Variants in DGKB observed in about 807,000 individuals in gnomAD.
DGKB encodes 90 kDa diacylglycerol kinase.
In DGKB, 67 loss-of-function variants were observed where a neutral mutation model predicts 114.3. The ratio of observed to expected loss-of-function variants is 0.59; its 90% confidence interval spans 0.48 to 0.72. The LOEUF (loss-of-function observed/expected upper bound fraction) is 0.72, where lower values mean the gene tolerates loss of function less well. DGKB is among the 30% of genes least tolerant of loss of function. DGKB has a pLI of 0.00. For synonymous variants in DGKB, 398 were observed against 323.1 expected (o/e 1.23, Z -2.49); for missense variants, 907 against 975.2 (o/e 0.93, Z 0.93).
intron 2 of DGKB, 94 bp downstream of exon 2, chr7:14,841,100 G>A: frequency 8.8e-7 from 1 of 1,135,620 alleles, no homozygotes; most frequent in Middle Eastern, 2.3e-4. Flanking sequence ...CTATCCCCAT[G>A]AAGAACAGGA....
At chr7:14,337,954 C>A (rs551790819) in intron 23 of DGKB, among the ~76,000 whole-genome samples, 1 of 151,980 alleles carries the variant, frequency 6.6e-6, no homozygotes, top group African/African-American at 2.4e-5. Flanking sequence ...TTTTTTAGGT[C>A]TTTGCTTTCT....
chr7:14,940,532 A>T (rs972575257), intron 1 of DGKB, among the ~76,000 whole-genome samples: 1 of 152,082 alleles, frequency 6.6e-6, no homozygotes, highest in Non-Finnish European at 1.5e-5. Context: ...ATTTTCCTTT[A>T]ATAACCATAT....
At chr7:14,824,285 A>C (rs1207284723) in intron 2 of DGKB, among the ~76,000 whole-genome samples, 1 of 152,112 alleles carries the variant, frequency 6.6e-6, no homozygotes, top group Non-Finnish European at 1.5e-5. Flanking sequence ...TTTTCTCTCT[A>C]AACAGTAATT....
intron 13 of DGKB, among the ~76,000 whole-genome samples, chr7:14,645,493 G>A (rs188882896): frequency 7.9e-5 from 12 of 152,080 alleles, no homozygotes; most frequent in Middle Eastern, 6.8e-3. Flanking sequence ...GCCACTGGGT[G>A]CCCTTTCTCT....
At chr7:14,248,833 T>C (rs1157429863) in intron 23 of DGKB, among the ~76,000 whole-genome samples, 1 of 152,146 alleles carries the variant, frequency 6.6e-6, no homozygotes, top group African/African-American at 2.4e-5. Flanking sequence ...ACTTTTATTT[T>C]GTTCTTAGCT....
chr7:14,622,771 C>T (rs960757532), intron 14 of DGKB, among the ~76,000 whole-genome samples: 1 of 152,074 alleles, frequency 6.6e-6, no homozygotes, highest in Non-Finnish European at 1.5e-5. Context: ...TTACCCTACT[C>T]CAGCTGCACT....
rs147208447 is a variant in DGKB at position 14,312,191 on chromosome 7, C to T, written c.2122+26324G>A. 4.6e-5 allele frequency among the ~76,000 whole-genome samples: 7 copies of T among 152,258 alleles called. No homozygotes were observed. In the East Asian group the frequency reaches 1.4e-3, roughly 29 times the overall value. ...CTTGAGTTCTGTTAACTCTCTTGACCCCTATTATAATGCAGTATAGAGACC... is the reference window on the plus strand; with the variant it reads ...CTTGAGTTCTGTTAACTCTCTTGACTCCTATTATAATGCAGTATAGAGACC... On this transcript the variant is annotated intron_variant, in intron 23 of 25. Transcript: ENST00000402815.
chr7:14,613,689 G>A lies in DGKB; in HGVS notation c.1285-276C>T, dbSNP rs1806006956. On this transcript the variant is annotated intron_variant, in intron 15 of 25. Transcript: ENST00000402815. ...CAGTCAGGAAGAGGGAATAACATTT[G>A]TAATTCCTGTAAGATAAAAAAAAAA... Among the ~76,000 whole-genome samples the A allele has an allele frequency of 2.6e-5, 4 of 151,372 alleles. No homozygotes were observed. In the South Asian group the frequency reaches 8.3e-4, roughly 31 times the overall value.
chr7:14,919,089 C>CACAA (rs1554345173), intron 1 of DGKB, among the ~76,000 whole-genome samples: 268 of 124,318 alleles, frequency 2.2e-3, no homozygotes, highest in African/African-American at 7.4e-3. Context: ...CACACACACA[C>CACAA]ACACAAACAC....
chr7:14,536,599 T>G (rs1792536784), intron 20 of DGKB, among the ~76,000 whole-genome samples: 1 of 152,156 alleles, frequency 6.6e-6, no homozygotes, highest in Non-Finnish European at 1.5e-5. Flanking sequence ...GGAAAAGCAT[T>G]TGATAAAATT....
intron 12 of DGKB, among the ~76,000 whole-genome samples, chr7:14,673,289 G>C (rs1819295753): frequency 6.6e-6 from 1 of 151,288 alleles, no homozygotes; most frequent in Admixed American, 6.6e-5. Flanking sequence ...TGTACTTTAG[G>C]TTTTACACCA....
chr7:14,602,277 G>C (rs2128767063), intron 17 of DGKB, among the ~76,000 whole-genome samples: 1 of 152,298 alleles, frequency 6.6e-6, no homozygotes, highest in South Asian at 2.1e-4. Flanking sequence ...ATTTAGATGA[G>C]ACTCTGGGTT....
At chr7:14,216,746 AAAG>A (rs1789042356) in intron 23 of DGKB, among the ~76,000 whole-genome samples, 2 of 150,978 alleles carry the variant, frequency 1.3e-5, no homozygotes, top group South Asian at 4.2e-4. Context: ...AAAAAAAAAA[AAAG>A]AACCATATAG....
intron 23 of DGKB, among the ~76,000 whole-genome samples, chr7:14,279,332 A>C (rs1053068973): frequency 9.2e-5 from 14 of 152,200 alleles, no homozygotes; most frequent in Non-Finnish European, 1.0e-4. Context: ...CCCAGGCTTG[A>C]TTAGGTAAAC....
chr7:14,832,416 T>A (rs1005178965), intron 2 of DGKB, among the ~76,000 whole-genome samples: 4 of 152,106 alleles, frequency 2.6e-5, no homozygotes, highest in Non-Finnish European at 5.9e-5. Context: ...TTTACTTTAG[T>A]TATAATCCTT....
intron 23 of DGKB, among the ~76,000 whole-genome samples, chr7:14,281,850 G>A (rs948182777): frequency 5.5e-5 from 8 of 144,728 alleles, no homozygotes; most frequent in African/African-American, 1.5e-4. Flanking sequence ...TCTCTGGGAC[G>A]CATTCAAAGC....
At chr7:14,883,554 T>C (rs985774078) in intron 1 of DGKB, among the ~76,000 whole-genome samples, 1 of 151,942 alleles carries the variant, frequency 6.6e-6, no homozygotes, top group African/African-American at 2.4e-5. Context: ...ATAGAGATGA[T>C]AGAGTTAGTT....
intron 20 of DGKB, among the ~76,000 whole-genome samples, chr7:14,534,153 C>T (rs992022086): frequency 6.6e-6 from 1 of 151,836 alleles, no homozygotes; most frequent in Admixed American, 6.6e-5. Context: ...ACTCTGATAA[C>T]AATAACAAAC....
In DGKB at chr7:14,902,588, T is replaced by A. The variant is rs1189436405; in HGVS notation, c.-188+4A>T. On this transcript the variant is annotated splice_donor_region_variant and intron_variant, in intron 1 of 25. Coordinates refer to ENST00000402815, the MANE Select transcript of DGKB (RefSeq NM_001350709.2). ...ATTTGCCAACCATGTCCAGTTTAAC[T>A]TACTGCAGTGTGATGCAGGCGAAAG... is the stretch of plus-strand genomic sequence containing the variant. The A allele has an allele frequency of 1.3e-5, 2 of 152,294 alleles. No individual in the cohort carries two copies. The highest frequency in any genetic ancestry group is 4.8e-5 in the African/African-American group (2 of 41,434). 9.4% of individuals were successfully genotyped at this position (152,294 alleles called of 1,614,324 possible). A position where few individuals can be genotyped will look rare whatever the true frequency, so the allele number is the denominator to read the frequency against.
Sources: gnomAD v4.1 joint callset for allele counts (sites outside exome capture counted in the v4.1 genomes callset) on GRCh38, gnomAD v4.1.1 for gene constraint, MANE v1.5 for transcripts, NCBI Gene and HGNC (gene_info 2026-07-23, HGNC 2026-07-21) for gene names.